Variants in ESCO1 observed in about 807,000 individuals in gnomAD.
ESCO1 encodes N-acetyltransferase ESCO1.
ESCO1 carries 33 observed loss-of-function variants against 83.5 expected under a neutral mutation model. The ratio of observed to expected loss-of-function variants is 0.40; its 90% CI spans 0.30 to 0.53. The LOEUF (loss-of-function observed/expected upper bound fraction) is 0.53. ESCO1 is among the 20% of genes least tolerant of loss of function. The pLI is 0.63. For synonymous variants in ESCO1, 332 were observed against 324.3 expected (o/e 1.02, Z -0.25); for missense variants, 855 against 968.0 (o/e 0.88, Z 1.55).
intron 1 of ESCO1, among the ~76,000 whole-genome samples, chr18:21,599,974 T>G (rs941348359): frequency 6.6e-6 from 1 of 152,212 alleles, no homozygotes; most frequent in Non-Finnish European, 1.5e-5. Flanking sequence ...TGCACTCATT[T>G]CTACTCCAGA....
rs1179446231 is a variant in ESCO1 at position 21,532,782 on chromosome 18, T to C, written c.2188-122A>G. On this transcript the variant is annotated intron_variant, in intron 10 of 11. Transcript: ENST00000269214. ...AACAAACTATGGGGCCACTTATGCT[T>C]TCACTCTCATTTTTAGGAAACAGAC... 1.1e-5 allele frequency: 9 copies of C among 807,392 alleles called. No individual in the cohort carries two copies. The Admixed American group carries it at 2.4e-4, about 21-fold the overall frequency. 50.0% of individuals were successfully genotyped at this position (807,392 alleles called of 1,614,324 possible). A position where few individuals can be genotyped will look rare whatever the true frequency, so the allele number is the denominator to read the frequency against.
intron 10 of ESCO1, 143 bp from the exon 11 acceptor site, chr18:21,532,803 C>CA: frequency 1.4e-6 from 1 of 707,722 alleles, no homozygotes; most frequent in Non-Finnish European, 2.2e-6. Flanking sequence ...TTTTAGGAAA[C>CA]AGACAATCTG....
chr18:21,533,440 C>T (rs1810902135), intron 10 of ESCO1, among the ~76,000 whole-genome samples: 1 of 152,040 alleles, frequency 6.6e-6, no homozygotes, highest in African/African-American at 2.4e-5. Flanking sequence ...AGATTACAGG[C>T]ACGCACCGCC....
At chr18:21,545,191 T>G (rs1236671113) in intron 8 of ESCO1, among the ~76,000 whole-genome samples, 1 of 152,182 alleles carries the variant, frequency 6.6e-6, no homozygotes, top group African/African-American at 2.4e-5. Context: ...CACCTCAGCC[T>G]CCTTAAGAAT....
chr18:21,550,798 A>G (rs2038035372), intron 8 of ESCO1, among the ~76,000 whole-genome samples: 1 of 152,226 alleles, frequency 6.6e-6, no homozygotes. Flanking sequence ...TGTTGTAATA[A>G]GAAAACACCC....
intron 1 of ESCO1, among the ~76,000 whole-genome samples, chr18:21,594,052 G>A (rs1454384138): frequency 6.6e-6 from 1 of 152,194 alleles, no homozygotes; most frequent in Non-Finnish European, 1.5e-5. Flanking sequence ...AAGAGCAGCA[G>A]CAGCCCCGAC....
chr18:21,592,418 G>A (rs1410603759), intron 1 of ESCO1, among the ~76,000 whole-genome samples: 40 of 148,300 alleles, frequency 2.7e-4, no homozygotes, highest in African/African-American at 9.2e-4. Context: ...GCGGCTGGCC[G>A]GGCGGGGGGC....
At chr18:21,578,558 T>C (rs578110591) in intron 2 of ESCO1, among the ~76,000 whole-genome samples, 2 of 152,140 alleles carry the variant, frequency 1.3e-5, no homozygotes, top group African/African-American at 4.8e-5. Flanking sequence ...AGTTTCCTGA[T>C]TAAAAGGGCC....
At chr18:21,578,876 C>T (rs1043399224) in intron 2 of ESCO1, among the ~76,000 whole-genome samples, 1 of 151,382 alleles carries the variant, frequency 6.6e-6, no homozygotes, top group Non-Finnish European at 1.5e-5. Flanking sequence ...TTTTTCTTCC[C>T]CCAAGATGTA....
Position 21,574,921 on chromosome 18 carries a change from T to A in ESCO1, c.-78A>T. On this transcript the variant is annotated 5_prime_UTR_variant, in exon 4 of 12. Coordinates refer to ENST00000269214, the MANE Select transcript of ESCO1 (RefSeq NM_052911.3). ...CTGGTAGGCGTGAATGCTGACTAGC[T>A]AGTATTATTACTGAGGAGCAGGTCT... The A allele has an allele frequency of 9.0e-7, 1 of 1,106,180 alleles. No individual in the cohort carries two copies. Among genetic ancestry groups the A allele is most frequent in the Non-Finnish European group, 1.3e-6 (1 of 793,366 alleles). 68.5% of individuals were successfully genotyped at this position (1,106,180 alleles called of 1,614,324 possible).
In ESCO1 at chr18:21,573,686, C is replaced by G. The variant is rs147528755; in HGVS notation, c.1158G>C (p.Lys386Asn). ...CILNGINSSA[K>N]KNSNWTKIKL... Reference sequence around the variant, plus strand: ...TAATTTTAGTCCAGTTGGAGTTCTTCTTGGCTGAGCTGTTTATTCCATTTA... The same window carrying G: ...TAATTTTAGTCCAGTTGGAGTTCTTGTTGGCTGAGCTGTTTATTCCATTTA... Residue 386 changes from lysine to asparagine, a missense_variant, in exon 4 of 12, where the codon AAG becomes AAC. This residue lies in a region of ESCO1 where 726 missense variants were observed against 699.5 expected (regional missense o/e 1.04). Coordinates refer to ENST00000269214, the MANE Select transcript of ESCO1 (RefSeq NM_052911.3). 2.5e-6 allele frequency: 4 copies of G among 1,614,092 alleles called. No homozygotes were observed. The highest frequency in any genetic ancestry group is 3.4e-6 in the Non-Finnish European group (4 of 1,180,024).
At chr18:21,560,521 T>G (rs2146197586) in intron 8 of ESCO1, among the ~76,000 whole-genome samples, 1 of 152,188 alleles carries the variant, frequency 6.6e-6, no homozygotes, top group African/African-American at 2.4e-5. Flanking sequence ...AAATATTAAA[T>G]AGATTTATCA....
chr18:21,571,273 C>T (rs767935421), intron 4 of ESCO1, among the ~76,000 whole-genome samples: 20 of 151,932 alleles, frequency 1.3e-4, no homozygotes, highest in Non-Finnish European at 1.8e-4. Context: ...CTGCAGCCTC[C>T]GCCTCCCAGG....
intron 7 of ESCO1, among the ~76,000 whole-genome samples, chr18:21,562,029 C>G (rs1035388614): frequency 6.6e-6 from 1 of 151,898 alleles, no homozygotes; most frequent in Non-Finnish European, 1.5e-5. Context: ...CAGGCACCCA[C>G]CAACATGCCC....
intron 6 of ESCO1, among the ~76,000 whole-genome samples, chr18:21,564,783 C>T (rs1207954887): frequency 6.6e-6 from 1 of 151,990 alleles, no homozygotes; most frequent in Non-Finnish European, 1.5e-5. Context: ...GCAGGCCTGG[C>T]ATGGTGGCTC....
At chr18:21,534,330 T>C (rs148772331) in intron 10 of ESCO1, among the ~76,000 whole-genome samples, 2 of 152,178 alleles carry the variant, frequency 1.3e-5, no homozygotes, top group African/African-American at 2.4e-5. Flanking sequence ...ACCTTTGGCA[T>C]AAATGAGTTA....
intron 1 of ESCO1, among the ~76,000 whole-genome samples, chr18:21,584,729 G>A (rs981335973): frequency 2.0e-5 from 3 of 152,040 alleles, no homozygotes; most frequent in Admixed American, 1.3e-4. Flanking sequence ...TGAGGTGGGC[G>A]TATCACCTGA....
intron 8 of ESCO1, chr18:21,540,812 G>C: frequency 1.1e-6 from 1 of 881,124 alleles, no homozygotes; most frequent in Non-Finnish European, 1.4e-6. Context: ...GAAGGAATGA[G>C]CTTAACTAGT....
chr18:21,580,311 A>AG (rs979811990), intron 2 of ESCO1, among the ~76,000 whole-genome samples: 5 of 152,102 alleles, frequency 3.3e-5, no homozygotes, highest in African/African-American at 1.2e-4. Context: ...AAACTTCTAG[A>AG]GGGGGGAAAA....
Sources: gnomAD v4.1 joint callset for allele counts (sites outside exome capture counted in the v4.1 genomes callset) on GRCh38, gnomAD v4.1.1 for gene constraint, gnomAD v4.1.1 regional missense constraint, MANE v1.5 for transcripts, NCBI Gene and HGNC (gene_info 2026-07-23, HGNC 2026-07-21) for gene names.